GMDS: variants seen among roughly 807,000 people sequenced by gnomAD.
GMDS encodes the protein GDP-mannose 4,6-dehydratase.
GMDS carries 20 observed loss-of-function variants against 49.9 expected under a neutral mutation model. That is an observed-to-expected ratio of 0.40 (90% CI 0.28 to 0.58). GMDS has a LOEUF of 0.58. Ranked by LOEUF, GMDS falls within the 20% of genes least tolerant of loss-of-function variation. GMDS has a pLI of 0.42. For missense variants in GMDS, 362 were observed against 481.4 expected, an observed-to-expected ratio of 0.75 and a Z score of 2.32; for synonymous variants, 177 against 178.6, an observed-to-expected ratio of 0.99 and a Z score of 0.07.
chr6:2,200,644 A>G (rs1421685668), intron 1 of GMDS, among the ~76,000 whole-genome samples: 21 of 108,874 alleles, frequency 1.9e-4, no homozygotes, highest in South Asian at 3.1e-4. Flanking sequence ...TGAAGACAGA[A>G]CACCACATGC....
chr6:1,647,801 T>G (rs945514572), intron 9 of GMDS, among the ~76,000 whole-genome samples: 1 of 152,188 alleles, frequency 6.6e-6, no homozygotes, highest in Non-Finnish European at 1.5e-5. Context: ...GGACAAGCCC[T>G]TCCTTCCTCC....
chr6:1,752,732 A>C lies in GMDS; in HGVS notation c.772-10146T>G, dbSNP rs182670801. Among the ~76,000 whole-genome samples the C allele has an allele frequency of 4.5e-4, 68 of 152,350 alleles. 1 individual carries two copies. Among genetic ancestry groups the C allele is most frequent in the African/African-American group, 1.6e-3 (65 of 41,584 alleles). ...CCAGAAGAGAGTGGGGCCAATATTC[A>C]ACATTCTTAAATAAAAGAATTTTCA... On this transcript the variant is annotated intron_variant, in intron 7 of 10. Coordinates refer to ENST00000380815, the MANE Select transcript of GMDS (RefSeq NM_001500.4).
chr6:2,221,189 CAAAT>C (rs1037794896), intron 1 of GMDS, among the ~76,000 whole-genome samples: 1 of 152,084 alleles, frequency 6.6e-6, no homozygotes, highest in Non-Finnish European at 1.5e-5. Flanking sequence ...CAATCTCAAA[CAAAT>C]AAACAAAAAA....
chr6:2,066,840 C>T (rs989910840), intron 4 of GMDS, among the ~76,000 whole-genome samples: 5 of 151,832 alleles, frequency 3.3e-5, no homozygotes, highest in African/African-American at 1.2e-4. Flanking sequence ...CCACTGTCAA[C>T]ATTAGACAGA....
intron 1 of GMDS, among the ~76,000 whole-genome samples, chr6:2,239,917 A>C (rs1355297132): frequency 6.6e-6 from 1 of 152,014 alleles, no homozygotes; most frequent in Non-Finnish European, 1.5e-5. Context: ...CGATCTCCTG[A>C]CCTCGTGATC....
At chr6:2,169,621 C>CAAAAAAA (rs556634869) in intron 1 of GMDS, among the ~76,000 whole-genome samples, 1 of 73,732 alleles carries the variant, frequency 1.4e-5, no homozygotes, top group Non-Finnish European at 3.8e-5. Flanking sequence ...CACCAGGCAG[C>CAAAAAAA]AAAAAAAAAA....
intron 9 of GMDS, among the ~76,000 whole-genome samples, chr6:1,669,162 T>G (rs978745128): frequency 6.6e-6 from 1 of 152,238 alleles, no homozygotes; most frequent in African/African-American, 2.4e-5. Context: ...ACAGAAGACA[T>G]TGATTTCACA....
chr6:1,738,098 CCA>C (rs376595047), intron 8 of GMDS, among the ~76,000 whole-genome samples: 1,732 of 144,982 alleles, frequency 0.012, 24 homozygotes, highest in African/African-American at 0.041. Context: ...CACATACACA[CCA>C]CACATATACA....
chr6:1,806,352 T>C (rs1334520872), intron 7 of GMDS, among the ~76,000 whole-genome samples: 1 of 152,112 alleles, frequency 6.6e-6, no homozygotes, highest in East Asian at 1.9e-4. Flanking sequence ...TTAGGGTTTA[T>C]GCTGTCAATG....
chr6:1,819,775 A>AT (rs1561825367), intron 7 of GMDS, among the ~76,000 whole-genome samples: 5,416 of 98,602 alleles, frequency 0.055, 115 homozygotes, highest in South Asian at 0.18. Flanking sequence ...AAAAAAAAAA[A>AT]AATATATATA....
intron 1 of GMDS, among the ~76,000 whole-genome samples, chr6:2,144,086 C>G (rs1776436286): frequency 1.3e-5 from 2 of 152,196 alleles, no homozygotes; most frequent in Admixed American, 1.3e-4. Flanking sequence ...TGGAAGTATT[C>G]TATGTGCATT....
intron 4 of GMDS, among the ~76,000 whole-genome samples, chr6:2,033,488 A>G (rs1032474370): frequency 4.6e-5 from 7 of 152,234 alleles, no homozygotes; most frequent in Non-Finnish European, 8.8e-5. Context: ...CCTTCACTTT[A>G]TCACTGAACC....
At chr6:2,156,527 G>GT (rs1468688652) in intron 1 of GMDS, among the ~76,000 whole-genome samples, 1 of 152,002 alleles carries the variant, frequency 6.6e-6, no homozygotes, top group East Asian at 1.9e-4. Context: ...TTAAGTCACT[G>GT]TTTTTTTACA....
intron 10 of GMDS, 21 bp from the exon 11 acceptor site, chr6:1,624,252 T>A (rs745488277): frequency 6.2e-7 from 1 of 1,608,496 alleles, no homozygotes; most frequent in Admixed American, 1.7e-5. Context: ...GGGGTGGGCG[T>A]GAGGGAGGAG....
At chr6:1,945,486 G>A (rs1012025731) in intron 6 of GMDS, among the ~76,000 whole-genome samples, 2 of 152,142 alleles carry the variant, frequency 1.3e-5, no homozygotes, top group African/African-American at 2.4e-5. Context: ...ACCATAATAC[G>A]CAAGGAGATA....
intron 1 of GMDS, among the ~76,000 whole-genome samples, chr6:2,201,970 G>T (rs555312056): frequency 7.9e-6 from 1 of 126,618 alleles, no homozygotes; most frequent in Non-Finnish European, 1.7e-5. Flanking sequence ...GGCAGTGAGG[G>T]CAGCATGTTA....
chr6:1,683,109 G>C (rs1561725113), intron 9 of GMDS, among the ~76,000 whole-genome samples: 1 of 152,114 alleles, frequency 6.6e-6, no homozygotes, highest in Non-Finnish European at 1.5e-5. Context: ...TTTTACTCCA[G>C]GGATGGCTCT....
chr6:1,804,590 T>G (rs918566244), intron 7 of GMDS, among the ~76,000 whole-genome samples: 3 of 152,262 alleles, frequency 2.0e-5, no homozygotes, highest in African/African-American at 7.2e-5. Context: ...TCAGATCTCC[T>G]ATGTGTCATG....
intron 7 of GMDS, among the ~76,000 whole-genome samples, chr6:1,861,768 G>T (rs1035199144): frequency 1.3e-5 from 2 of 152,196 alleles, no homozygotes; most frequent in Non-Finnish European, 2.9e-5. Flanking sequence ...CAACATAAGA[G>T]AATGGGAAGA....
Sources: gnomAD v4.1 joint callset for allele counts (sites outside exome capture counted in the v4.1 genomes callset) on GRCh38, gnomAD v4.1.1 for gene constraint, MANE v1.5 for transcripts, NCBI Gene and HGNC (gene_info 2026-07-23, HGNC 2026-07-21) for gene names.